Variants in TRAPPC9 observed in about 807,000 individuals in gnomAD.
TRAPPC9 encodes the protein IKK2 binding protein.
TRAPPC9 carries 83 observed loss-of-function variants against 124.0 expected under a neutral mutation model. The ratio of observed to expected loss-of-function variants is 0.67; its 90% confidence interval spans 0.56 to 0.80. The LOEUF (loss-of-function observed/expected upper bound fraction) is 0.80. Ranked by LOEUF, TRAPPC9 falls within the 30% of genes least tolerant of loss-of-function variation. The pLI is 0.00. For synonymous variants in TRAPPC9, 638 were observed against 617.5 expected, an observed-to-expected ratio of 1.03 and a Z score of -0.49; for missense variants, 1,302 against 1,508.3, an observed-to-expected ratio of 0.86 and a Z score of 2.27.
At chr8:140,118,290 C>T (rs1388097552) in intron 17 of TRAPPC9, among the ~76,000 whole-genome samples, 1 of 152,210 alleles carries the variant, frequency 6.6e-6, no homozygotes, top group East Asian at 1.9e-4. Flanking sequence ...ACTACTGCAA[C>T]ACACACTTTA....
intron 18 of TRAPPC9, among the ~76,000 whole-genome samples, chr8:139,997,608 A>C (rs1838102902): frequency 7.0e-6 from 1 of 143,634 alleles, no homozygotes; most frequent in Non-Finnish European, 1.5e-5. Flanking sequence ...TGCATCCTAC[A>C]CAGGGAGACA....
At chr8:139,904,600 C>T (rs1488143634) in intron 20 of TRAPPC9, 3 of 152,256 alleles carry the variant, frequency 2.0e-5, no homozygotes, top group Non-Finnish European at 4.4e-5. Flanking sequence ...CTGACTATGC[C>T]TCTAGTTGCA....
intron 17 of TRAPPC9, among the ~76,000 whole-genome samples, chr8:140,180,949 T>C (rs770248681): frequency 1.3e-5 from 2 of 152,210 alleles, no homozygotes; most frequent in Non-Finnish European, 2.9e-5. Flanking sequence ...AATTCAAAAC[T>C]TGATGTACTT....
intron 17 of TRAPPC9, among the ~76,000 whole-genome samples, chr8:140,158,741 C>G (rs971858833): frequency 6.6e-6 from 1 of 152,210 alleles, no homozygotes; most frequent in Non-Finnish European, 1.5e-5. Flanking sequence ...ACCCAGACTC[C>G]CCTGCTGTGG....
At chr8:140,344,776 G>A (rs1338259936) in intron 9 of TRAPPC9, among the ~76,000 whole-genome samples, 1 of 152,206 alleles carries the variant, frequency 6.6e-6, no homozygotes, top group African/African-American at 2.4e-5. Flanking sequence ...GAGAACTGAG[G>A]AGAAACATCA....
chr8:140,029,037 A>T (rs1318850867), intron 17 of TRAPPC9, among the ~76,000 whole-genome samples: 1 of 152,250 alleles, frequency 6.6e-6, no homozygotes, highest in Non-Finnish European at 1.5e-5. Flanking sequence ...AATGAGAATG[A>T]TTATCGGTAC....
chr8:140,446,938 C>T (rs1186833083), intron 2 of TRAPPC9, among the ~76,000 whole-genome samples: 1 of 152,114 alleles, frequency 6.6e-6, no homozygotes, highest in Non-Finnish European at 1.5e-5. Flanking sequence ...AAAAGACAGC[C>T]GCACCCTCCC....
In TRAPPC9 at chr8:139,867,417, A is replaced by C. The variant is rs1187693056; in HGVS notation, c.3055+18462T>G. ...AATCCATACAAATATAAATAAGCAC[A>C]TTTAAAGGTCTGATGAAGAATCGGA... On this transcript the variant is annotated intron_variant, in intron 21 of 22. Transcript: ENST00000438773. Among the ~76,000 whole-genome samples the C allele has an allele frequency of 2.6e-5, 4 of 152,240 alleles. No homozygotes were observed. The East Asian group carries it at 7.7e-4, about 29-fold the overall frequency.
At chr8:140,085,383 A>C (rs961528985) in intron 17 of TRAPPC9, among the ~76,000 whole-genome samples, 2 of 152,078 alleles carry the variant, frequency 1.3e-5, no homozygotes, top group Non-Finnish European at 2.9e-5. Context: ...TAGACTGAAA[A>C]ACAGAAATTT....
At chr8:139,996,657 C>G (rs1219893133) in intron 18 of TRAPPC9, among the ~76,000 whole-genome samples, 1 of 152,054 alleles carries the variant, frequency 6.6e-6, no homozygotes, top group East Asian at 1.9e-4. Context: ...AATGGCCACA[C>G]CCCCAAAAAG....
intron 9 of TRAPPC9, among the ~76,000 whole-genome samples, chr8:140,326,078 G>A (rs995149222): frequency 3.9e-5 from 6 of 152,118 alleles, no homozygotes; most frequent in African/African-American, 1.2e-4. Flanking sequence ...GGAAATCCGG[G>A]TAGTTTCTAA....
At chr8:139,836,193 G>A (rs753322272) in intron 21 of TRAPPC9, among the ~76,000 whole-genome samples, 1 of 152,122 alleles carries the variant, frequency 6.6e-6, no homozygotes, top group Non-Finnish European at 1.5e-5. Context: ...ATTTTTAGTA[G>A]AGACGGGGTT....
chr8:140,382,641 T>A (rs1198027665), intron 7 of TRAPPC9, among the ~76,000 whole-genome samples: 1 of 151,842 alleles, frequency 6.6e-6, no homozygotes, highest in Non-Finnish European at 1.5e-5. Context: ...GAGGCTTCAG[T>A]AGGTAAACAA....
At chr8:140,254,979 C>T (rs1171418702) in intron 15 of TRAPPC9, among the ~76,000 whole-genome samples, 1 of 152,208 alleles carries the variant, frequency 6.6e-6, no homozygotes, top group Non-Finnish European at 1.5e-5. Flanking sequence ...AAAAAAGATA[C>T]GTGGTGTGCT....
chr8:140,079,011 G>A (rs960728065), intron 17 of TRAPPC9, among the ~76,000 whole-genome samples: 5 of 152,158 alleles, frequency 3.3e-5, no homozygotes, highest in African/African-American at 1.2e-4. Context: ...GAGGGACCCA[G>A]TGGGAGGTAA....
intron 11 of TRAPPC9, among the ~76,000 whole-genome samples, chr8:140,300,165 G>A (rs1344715084): frequency 6.6e-6 from 1 of 152,168 alleles, no homozygotes; most frequent in East Asian, 1.9e-4. Flanking sequence ...ATGACAGACT[G>A]CACACACGCA....
intron 21 of TRAPPC9, among the ~76,000 whole-genome samples, chr8:139,759,890 T>C (rs1288485939): frequency 1.3e-5 from 2 of 152,050 alleles, no homozygotes; most frequent in African/African-American, 4.8e-5. Flanking sequence ...CATCACTGTC[T>C]CCAAGACAGA....
In TRAPPC9 at chr8:140,423,682, ATATACACATATACACATG is replaced by A. The variant is rs2070317512; in HGVS notation, c.886+2915_886+2932del. 1.1e-4 allele frequency among the ~76,000 whole-genome samples: 6 copies of A among 54,962 alleles called. No individual in the cohort carries two copies. In the East Asian group the frequency reaches 2.7e-3, roughly 24 times the overall value. The allele number at this position is 54,962 out of a possible 152,430, so 36.1% of individuals were successfully genotyped here. A position where few individuals can be genotyped will look rare whatever the true frequency, so the allele number is the denominator to read the frequency against. Reference sequence around the variant, plus strand: ...CACACATATATACACATATACACATATATACACATATACACATGTATACACATATATACATATATACAC... The same window carrying A: ...CACACATATATACACATATACACATATATACACATATATACATATATACAC... On this transcript the variant is annotated intron_variant, in intron 5 of 22. Coordinates refer to ENST00000438773, the MANE Select transcript of TRAPPC9 (RefSeq NM_001160372.4).
chr8:140,457,393 G>A (rs78014773), intron 1 of TRAPPC9, among the ~76,000 whole-genome samples: 1,541 of 152,320 alleles, frequency 0.01, 13 homozygotes, highest in Non-Finnish European at 0.017. Context: ...CGAGTCTTCA[G>A]CGGGTGTGGG....
Sources: gnomAD v4.1 joint callset for allele counts (sites outside exome capture counted in the v4.1 genomes callset) on GRCh38, gnomAD v4.1.1 for gene constraint, MANE v1.5 for transcripts, NCBI Gene and HGNC (gene_info 2026-07-23, HGNC 2026-07-21) for gene names.